The following XPO4 variants were observed in gnomAD, a reference collection of about 807,000 sequenced individuals.
The protein encoded by XPO4 is exportin-4.
A neutral mutation model predicts 143.0 loss-of-function variants in XPO4; 39 were observed. That is an observed-to-expected ratio of 0.27 (90% CI 0.21 to 0.36). The LOEUF (loss-of-function observed/expected upper bound fraction) is 0.36. XPO4 is among the 10% of genes least tolerant of loss of function. XPO4 has a pLI of 1.00. For missense variants in XPO4, 907 were observed against 1,348.0 expected (o/e 0.67, Z 5.12); for synonymous variants, 439 against 474.0 (o/e 0.93, Z 0.96).
Position 20,783,570 on chromosome 13 carries a change from G to T in XPO4, c.*152C>A. The T allele has an allele frequency of 1.4e-6, 1 of 720,520 alleles. No homozygotes were observed. Among genetic ancestry groups the T allele is most frequent in the Non-Finnish European group, 2.3e-6 (1 of 427,982 alleles). 44.6% of individuals were successfully genotyped at this position (720,520 alleles called of 1,614,324 possible). A position where few individuals can be genotyped will look rare whatever the true frequency, so the allele number is the denominator to read the frequency against. On this transcript the variant is annotated 3_prime_UTR_variant, in exon 23 of 23. Transcript: ENST00000255305. Reference sequence around the variant, plus strand: ...AGCTGATGCCAAGTTGACCTCTCCTGTTTCACTGTATTACATACATATCAA... The same window carrying T: ...AGCTGATGCCAAGTTGACCTCTCCTTTTTCACTGTATTACATACATATCAA...
At chr13:20,788,028 T>C (rs1460511990) in intron 20 of XPO4, among the ~76,000 whole-genome samples, 3 of 151,452 alleles carry the variant, frequency 2.0e-5, no homozygotes, top group African/African-American at 7.3e-5. Flanking sequence ...AATAGAGCAG[T>C]TACAGAGGTG....
chr13:20,851,653 T>C (rs1595130994), intron 4 of XPO4: 2 of 666,226 alleles, frequency 3.0e-6, no homozygotes, highest in African/African-American at 2.2e-5. Flanking sequence ...AAGGCTGCAG[T>C]AGGCCAAGAC....
At chr13:20,885,821 A>G (rs567854559) in intron 1 of XPO4, among the ~76,000 whole-genome samples, 1 of 49,498 alleles carries the variant, frequency 2.0e-5, no homozygotes, top group East Asian at 0.031. Context: ...TAAGTTTACA[A>G]AAGTAGAAAA....
chr13:20,847,588 C>T (rs1315564463), intron 4 of XPO4, among the ~76,000 whole-genome samples: 2 of 152,164 alleles, frequency 1.3e-5, no homozygotes, highest in East Asian at 3.8e-4. Flanking sequence ...GAGTGCACTA[C>T]CCCCTAACTC....
Position 20,781,447 on chromosome 13 carries a change from T to C in XPO4, c.*2275A>G, listed in dbSNP as rs2059143055. The C allele has an allele frequency of 6.6e-6, 1 of 152,634 alleles. No individual in the cohort carries two copies. The highest frequency in any genetic ancestry group is 1.5e-5 in the Non-Finnish European group (1 of 68,036). 9.5% of individuals were successfully genotyped at this position (152,634 alleles called of 1,614,324 possible). Reference sequence around the variant, plus strand: ...CCCAGTGAGCTAATATTCAACATTCTGCTGATCTTATAAGTATTATTTGGT... The same window carrying C: ...CCCAGTGAGCTAATATTCAACATTCCGCTGATCTTATAAGTATTATTTGGT... On this transcript the variant is annotated 3_prime_UTR_variant, in exon 23 of 23. Transcript: ENST00000255305.
At chr13:20,818,851 G>A (rs929029327) in intron 9 of XPO4, among the ~76,000 whole-genome samples, 2 of 150,712 alleles carry the variant, frequency 1.3e-5, no homozygotes, top group Admixed American at 6.6e-5. Context: ...ATGGAGTTTC[G>A]TTCTTGTCAC....
chr13:20,895,782 T>C (rs2060563421), intron 1 of XPO4, among the ~76,000 whole-genome samples: 4 of 152,170 alleles, frequency 2.6e-5, no homozygotes, highest in African/African-American at 9.7e-5. Flanking sequence ...TCCATGTTCA[T>C]TCAGATCTTC....
intron 4 of XPO4, chr13:20,848,831 T>G (rs1203624216): frequency 2.0e-6 from 2 of 985,168 alleles, no homozygotes; most frequent in Non-Finnish European, 2.4e-6. Flanking sequence ...TTTTAATATG[T>G]CAAACAAGTA....
chr13:20,827,403 A>G (rs1309338633), intron 6 of XPO4, among the ~76,000 whole-genome samples: 1 of 152,220 alleles, frequency 6.6e-6, no homozygotes, highest in East Asian at 1.9e-4. Flanking sequence ...CTTTCATTGT[A>G]ATTATGTGTC....
Position 20,902,742 on chromosome 13 carries a change from C to A in XPO4, c.-4G>T. On this transcript the variant is annotated 5_prime_UTR_variant, in exon 1 of 23. Coordinates refer to ENST00000255305, the MANE Select transcript of XPO4 (RefSeq NM_022459.5). The stretch of plus-strand genomic sequence containing the variant: ...GCCCCAGCGCCGCCGCCATCATGGT[C>A]TCTCTTCAATGACGCGCCATGCGCT... The A allele has an allele frequency of 1.3e-6, 2 of 1,551,124 alleles. No homozygotes were observed. The highest frequency in any genetic ancestry group is 1.7e-6 in the Non-Finnish European group (2 of 1,147,994).
rs1046587078 is a variant in XPO4 at position 20,777,671 on chromosome 13, G to A, written c.*6051C>T. The A allele has an allele frequency of 6.6e-6, 1 of 152,154 alleles. No homozygotes were observed. The highest frequency in any genetic ancestry group is 1.5e-5 in the Non-Finnish European group (1 of 68,014). The allele number at this position is 152,154 out of a possible 1,614,324, so 9.4% of individuals were successfully genotyped here. ...TTGAAGCCTAAGATTAGGCAGAAAT[G>A]AACATTATCAAAACAAGAACAAAAC... is the stretch of plus-strand genomic sequence containing the variant. On this transcript the variant is annotated 3_prime_UTR_variant, in exon 23 of 23. Transcript: ENST00000255305.
At chr13:20,884,715 G>A (rs1164449101) in intron 1 of XPO4, among the ~76,000 whole-genome samples, 1 of 151,440 alleles carries the variant, frequency 6.6e-6, no homozygotes, top group African/African-American at 2.4e-5. Context: ...ACGTGGCCAA[G>A]TATTGTATTT....
At chr13:20,828,376 C>T (rs1270978746) in intron 6 of XPO4, among the ~76,000 whole-genome samples, 1 of 152,090 alleles carries the variant, frequency 6.6e-6, no homozygotes, top group Non-Finnish European at 1.5e-5. Flanking sequence ...GAGCTATCGT[C>T]TGAAAAAAGT....
At chr13:20,875,202 T>TA (rs2060340012) in intron 1 of XPO4, among the ~76,000 whole-genome samples, 1 of 152,230 alleles carries the variant, frequency 6.6e-6, no homozygotes, top group East Asian at 1.9e-4. Context: ...TTTCCCTCCA[T>TA]AATCTTTCCT....
rs187987954 is a variant in XPO4, at chr13:20,851,977, G to A, written c.456+3650C>T. ...TTTTGTGCTGGGTCAAATTACCCAA[G>A]GGGAAAGGAAGCAGAGAACTCAGTT... On this transcript the variant is annotated intron_variant, in intron 4 of 22. Coordinates refer to ENST00000255305, the MANE Select transcript of XPO4 (RefSeq NM_022459.5). 2.3e-3 allele frequency: 2,231 copies of A among 985,340 alleles called. 4 individuals carry two copies. The highest frequency in any genetic ancestry group is 2.6e-3 in the Non-Finnish European group (2,170 of 829,916). 61.0% of individuals were successfully genotyped at this position (985,340 alleles called of 1,614,324 possible).
chr13:20,822,748 C>T, intron 7 of XPO4, among the ~76,000 whole-genome samples: 1 of 152,198 alleles, frequency 6.6e-6, no homozygotes, highest in Admixed American at 6.5e-5. Context: ...ACCATTGAAT[C>T]CCTAGACATT....
At chr13:20,886,543 C>T (rs371784433) in intron 1 of XPO4, among the ~76,000 whole-genome samples, 3 of 151,658 alleles carry the variant, frequency 2.0e-5, no homozygotes, top group East Asian at 3.9e-4. Flanking sequence ...ACCCAAGATG[C>T]GGTGGGTTCA....
chr13:20,809,661 G>T (rs1298995971), intron 10 of XPO4, 130 bp downstream of exon 10: 2 of 1,018,596 alleles, frequency 2.0e-6, no homozygotes, highest in East Asian at 2.6e-5. Context: ...AGAGAACAAG[G>T]CCACTTTTGC....
chr13:20,841,557 T>C (rs2059973653), intron 6 of XPO4, among the ~76,000 whole-genome samples: 1 of 152,158 alleles, frequency 6.6e-6, no homozygotes, highest in African/African-American at 2.4e-5. Flanking sequence ...GTGACTGACC[T>C]TACTGTAAGC....
Sources: allele counts gnomAD v4.1 joint callset (sites outside exome capture counted in the v4.1 genomes callset), GRCh38; gene constraint gnomAD v4.1.1; transcripts MANE v1.5; gene names NCBI Gene and HGNC (gene_info 2026-07-23, HGNC 2026-07-21).